The following HIVEP3 variants were observed in gnomAD, a reference collection of about 807,000 sequenced individuals.
HIVEP3 encodes the protein transcription factor HIVEP3.
Under a neutral mutation model 152.8 loss-of-function variants are expected in HIVEP3, and 49 were observed. The observed-to-expected ratio is 0.32, with a 90% CI of 0.26 to 0.41. HIVEP3 has a LOEUF of 0.41. HIVEP3 is among the 10% of genes least tolerant of loss of function. HIVEP3 has a pLI of 1.00. For synonymous variants in HIVEP3, 1,269 were observed against 1,289.0 expected, an observed-to-expected ratio of 0.98 and a Z score of 0.33; for missense variants, 2,790 against 3,103.3, an observed-to-expected ratio of 0.90 and a Z score of 2.40.
chr1:41,977,391 T>C (rs1439848061), intron 1 of HIVEP3, among the ~76,000 whole-genome samples: 7 of 151,898 alleles, frequency 4.6e-5, no homozygotes, highest in Non-Finnish European at 1.0e-4. Flanking sequence ...AGGAGAGAGG[T>C]GTGCCCCACG....
intron 1 of HIVEP3, among the ~76,000 whole-genome samples, chr1:41,937,893 A>C (rs1645027569): frequency 6.6e-6 from 1 of 152,230 alleles, no homozygotes; most frequent in African/African-American, 2.4e-5. Context: ...GCACTTGTTC[A>C]TGCCAGCACC....
chr1:41,714,870 T>G (rs758521599), intron 1 of HIVEP3, among the ~76,000 whole-genome samples: 8 of 151,724 alleles, frequency 5.3e-5, no homozygotes, highest in Non-Finnish European at 8.8e-5. Context: ...ATTTTAAGGG[T>G]GTGTGTGTGT....
At chr1:41,861,265 A>T (rs1453718575) in intron 1 of HIVEP3, among the ~76,000 whole-genome samples, 1 of 152,308 alleles carries the variant, frequency 6.6e-6, no homozygotes, top group Admixed American at 6.5e-5. Context: ...AAAATAATTC[A>T]TGGAGGCCTG....
At chr1:41,971,793 A>G (rs754347015) in intron 1 of HIVEP3, among the ~76,000 whole-genome samples, 6 of 152,156 alleles carry the variant, frequency 3.9e-5, no homozygotes, top group Non-Finnish European at 7.4e-5. Context: ...ATATAACAGT[A>G]TTAAGAGGTA....
At chr1:41,971,870 G>T (rs1025267958) in intron 1 of HIVEP3, among the ~76,000 whole-genome samples, 2 of 152,078 alleles carry the variant, frequency 1.3e-5, no homozygotes. Context: ...CTTGTAAAAG[G>T]GCTTGAGGGG....
chr1:41,580,208 A>G lies in HIVEP3; in HGVS notation c.4590T>C (p.Ala1530=). 4.3e-6 allele frequency: 7 copies of G among 1,612,236 alleles called. No homozygotes were observed. The highest frequency in any genetic ancestry group is 5.1e-6 in the Non-Finnish European group (6 of 1,179,016). ...LSHGTAPGSE[A]LKEYPQPSGK... ...CAGATGGCTGGGGATATTCCTTCAAAGCTTCTGAGCCTGGGGCTGTCCCAT... is the reference window on the plus strand; with the variant it reads ...CAGATGGCTGGGGATATTCCTTCAAGGCTTCTGAGCCTGGGGCTGTCCCAT... The change falls in exon 4 of 9, where the codon GCT becomes GCC. Residue 1530 remains alanine, a synonymous_variant. Transcript: ENST00000372583.
intron 1 of HIVEP3, among the ~76,000 whole-genome samples, chr1:41,733,874 G>A (rs1201360789): frequency 1.3e-5 from 2 of 151,950 alleles, no homozygotes; most frequent in South Asian, 2.1e-4. Context: ...GCTGTTCCTC[G>A]GCTCTCAAGG....
intron 1 of HIVEP3, among the ~76,000 whole-genome samples, chr1:41,889,880 G>T (rs1323763072): frequency 1.3e-5 from 2 of 152,214 alleles, no homozygotes; most frequent in Non-Finnish European, 2.9e-5. Flanking sequence ...CCCACTTAAT[G>T]AACAAAGAAG....
intron 5 of HIVEP3, among the ~76,000 whole-genome samples, chr1:41,531,591 G>A (rs1643256840): frequency 1.6e-5 from 1 of 62,172 alleles, no homozygotes; most frequent in African/African-American, 5.9e-5. Flanking sequence ...GGACAGGAGA[G>A]ATGGAGGACA....
At chr1:42,034,630 C>T (rs943579337) in intron 1 of HIVEP3, among the ~76,000 whole-genome samples, 1 of 152,146 alleles carries the variant, frequency 6.6e-6, no homozygotes, top group African/African-American at 2.4e-5. Flanking sequence ...AATGAGGAAC[C>T]AGTAATGCCA....
intron 1 of HIVEP3, among the ~76,000 whole-genome samples, chr1:41,902,673 G>A (rs747264997): frequency 2.6e-5 from 4 of 152,220 alleles, no homozygotes; most frequent in South Asian, 4.1e-4. Context: ...TGGCCGAAGT[G>A]ATCCAACGCC....
chr1:41,897,938 G>GGA (rs71065103), intron 1 of HIVEP3, among the ~76,000 whole-genome samples: 6,958 of 129,148 alleles, frequency 0.054, 272 homozygotes, highest in Non-Finnish European at 0.072. Flanking sequence ...TGAGAGAGAG[G>GGA]GAGAGAGAGA....
intron 3 of HIVEP3, among the ~76,000 whole-genome samples, chr1:41,593,243 C>T (rs932820325): frequency 6.6e-6 from 1 of 152,240 alleles, no homozygotes; most frequent in Admixed American, 6.5e-5. Context: ...TGCCCCTCCC[C>T]AGAGAAGCTA....
At chr1:41,527,133 C>A (rs1247695844) in intron 5 of HIVEP3, among the ~76,000 whole-genome samples, 1 of 140,944 alleles carries the variant, frequency 7.1e-6, no homozygotes, top group Non-Finnish European at 1.5e-5. Flanking sequence ...CTCACACACA[C>A]CCTCACACAC....
intron 1 of HIVEP3, among the ~76,000 whole-genome samples, chr1:41,730,729 T>C (rs1385567850): frequency 6.6e-6 from 1 of 152,228 alleles, no homozygotes; most frequent in East Asian, 1.9e-4. Context: ...CTAATGGTCC[T>C]GATTATCCGG....
At chr1:41,527,519 CCT>C (rs896859913) in intron 5 of HIVEP3, among the ~76,000 whole-genome samples, 2 of 133,566 alleles carry the variant, frequency 1.5e-5, no homozygotes, top group African/African-American at 5.5e-5. Flanking sequence ...ACACCCCCGC[CCT>C]CACATGCTCA....
At position 41,583,781 on chromosome 1, in the gene HIVEP3, A is replaced by T; in HGVS notation, c.1017T>A (p.Pro339=). The change falls in exon 4 of 9, where the codon CCT becomes CCA. Residue 339 remains proline, a synonymous_variant. Transcript: ENST00000372583. The surrounding 1 kb of genome is among the most constrained non-coding windows in gnomAD (Gnocchi z 6.9). ...SSTAQSLEDP[P]PFVEPSSEHP... ...GCTCAGATGAGGGTTCCACAAATGG[A>T]GGGGGGTCTTCGAGTGACTGGGCTG... 6.3e-7 allele frequency: 1 copy of T among 1,590,560 alleles called. No individual in the cohort carries two copies. Among genetic ancestry groups the T allele is most frequent in the East Asian group, 2.2e-5 (1 of 44,646 alleles).
At position 41,508,505 on chromosome 1, in the gene HIVEP3, A is replaced by G. The variant is rs549274555; in HGVS notation, c.*1946T>C. 6.6e-6 allele frequency: 1 copy of G among 152,350 alleles called. No homozygotes were observed. Among genetic ancestry groups the G allele is most frequent in the Non-Finnish European group, 1.5e-5 (1 of 68,048 alleles). 9.4% of individuals were successfully genotyped at this position (152,350 alleles called of 1,614,324 possible). On this transcript the variant is annotated 3_prime_UTR_variant, in exon 9 of 9. Transcript: ENST00000372583. ...AGCTGCTGGCTAACCCTGATTCCCC[A>G]GAACCCTGGAGCACAGTGGACTCCC...
At chr1:41,975,787 G>C (rs1327744561) in intron 1 of HIVEP3, among the ~76,000 whole-genome samples, 2 of 152,158 alleles carry the variant, frequency 1.3e-5, no homozygotes, top group African/African-American at 4.8e-5. Flanking sequence ...CCAGAATCCT[G>C]GTGCTACTTA....
Sources: gnomAD v4.1 joint callset for allele counts (sites outside exome capture counted in the v4.1 genomes callset) on GRCh38, gnomAD v4.1.1 for gene constraint, Gnocchi (gnomAD v3.1) non-coding constraint, MANE v1.5 for transcripts, NCBI Gene and HGNC (gene_info 2026-07-23, HGNC 2026-07-21) for gene names.